GNAS-AS1: variants seen among roughly 807,000 people sequenced by gnomAD.
The protein encoded by GNAS-AS1 is GNAS antisense RNA 1 (non-protein coding).
At chr20:58,835,850 T>C (rs1489697699) in intron 4 of GNAS-AS1, among the ~76,000 whole-genome samples, 2 of 152,180 alleles carry the variant, frequency 1.3e-5, no homozygotes, top group African/African-American at 2.4e-5. Context: ...AGAGAACCAA[T>C]GTAATTAACA....
chr20:58,848,347 G>A (rs904908593), intron 2 of GNAS-AS1, among the ~76,000 whole-genome samples: 10 of 152,062 alleles, frequency 6.6e-5, no homozygotes, highest in Non-Finnish European at 1.2e-4. Context: ...GGCACACAGC[G>A]TCTATCCATC....
intron 1 of GNAS-AS1, among the ~76,000 whole-genome samples, chr20:58,850,083 T>G (rs2086096996): frequency 6.6e-6 from 1 of 152,192 alleles, no homozygotes; most frequent in Non-Finnish European, 1.5e-5. Flanking sequence ...CCATGTTTCC[T>G]ACCATTAAAT....
At chr20:58,850,450 C>T (rs2086114127) in intron 1 of GNAS-AS1, 6 of 397,766 alleles carry the variant, frequency 1.5e-5, no homozygotes, top group Admixed American at 8.8e-5. Flanking sequence ...GGGGTGAGCG[C>T]GAGGCCTGAC....
At chr20:58,850,668 C>A (rs1241610969) in exon 1 of GNAS-AS1, 1 of 399,148 alleles carries the variant, frequency 2.5e-6, no homozygotes, top group Non-Finnish European at 4.4e-6. Flanking sequence ...CTCACCTTGC[C>A]CGGCAGTGGC....
At position 58,819,162 on chromosome 20, in the gene GNAS-AS1, G is replaced by C. The variant is rs1316916637; in HGVS notation, n.913C>G. ...ATCTAGAAGAGGTTGAAGTACTATG[G>C]TTTTCAAACCAGGAACGTGGCACTA... On this transcript the variant is annotated non_coding_transcript_exon_variant, in exon 5 of 5. Coordinates refer to ENST00000424094, the Ensembl canonical transcript of GNAS-AS1. 8 of 398,526 alleles carry C rather than the reference G, an allele frequency of 2.0e-5. No homozygotes were observed. In the East Asian group the frequency reaches 2.8e-4, roughly 14 times the overall value. The allele number at this position is 398,526 out of a possible 1,614,324, so 24.7% of individuals were successfully genotyped here. A position where few individuals can be genotyped will look rare whatever the true frequency, so the allele number is the denominator to read the frequency against.
intron 4 of GNAS-AS1, among the ~76,000 whole-genome samples, chr20:58,823,577 C>T (rs527364118): frequency 5.1e-4 from 77 of 152,382 alleles, no homozygotes; most frequent in African/African-American, 1.8e-3. Flanking sequence ...GCTATTAATA[C>T]AGTGCAAAGA....
intron 4 of GNAS-AS1, chr20:58,834,350 G>A (rs1183246547): frequency 3.3e-5 from 5 of 152,516 alleles, no homozygotes; most frequent in African/African-American, 1.2e-4. Context: ...CAGGGCAGAG[G>A]TGGACATCTG....
intron 4 of GNAS-AS1, chr20:58,826,045 G>A (rs1600644047): frequency 1.0e-5 from 4 of 398,484 alleles, no homozygotes; most frequent in Admixed American, 8.8e-5. Context: ...TGACTTCAGC[G>A]AGAAAGACAG....
At chr20:58,842,351 A>C (rs1162927835) in intron 3 of GNAS-AS1, 1 of 397,960 alleles carries the variant, frequency 2.5e-6, no homozygotes, top group Non-Finnish European at 4.4e-6. Context: ...TTGGAGGAAT[A>C]GTAAAGCGTT....
intron 4 of GNAS-AS1, among the ~76,000 whole-genome samples, chr20:58,823,512 C>T (rs1411507173): frequency 6.6e-6 from 1 of 152,218 alleles, no homozygotes; most frequent in Non-Finnish European, 1.5e-5. Context: ...GTGATGTCCG[C>T]CACAGCTGTC....
chr20:58,837,667 T>C (rs528019241), intron 4 of GNAS-AS1, among the ~76,000 whole-genome samples: 1 of 152,360 alleles, frequency 6.6e-6, no homozygotes, highest in East Asian at 1.9e-4. Context: ...GGTCTTGAAC[T>C]CCTGGCCTCA....
intron 4 of GNAS-AS1, chr20:58,826,157 G>A (rs913896601): frequency 7.5e-6 from 3 of 398,644 alleles, no homozygotes; most frequent in Middle Eastern, 6.3e-4. Context: ...AATAGTGGGA[G>A]AAGGGAAGTT....
At chr20:58,820,579 C>T (rs1006027378) in intron 4 of GNAS-AS1, among the ~76,000 whole-genome samples, 2 of 152,220 alleles carry the variant, frequency 1.3e-5, no homozygotes, top group African/African-American at 2.4e-5. Flanking sequence ...TGTATTAGTC[C>T]GTTTTCACAC....
At chr20:58,836,825 G>C (rs1434910702) in intron 4 of GNAS-AS1, among the ~76,000 whole-genome samples, 2 of 152,246 alleles carry the variant, frequency 1.3e-5, no homozygotes, top group Non-Finnish European at 2.9e-5. Context: ...ACACTGAGAT[G>C]TATTTATAAC....
chr20:58,845,588 T>C (rs113574382), intron 2 of GNAS-AS1, among the ~76,000 whole-genome samples: 97 of 152,224 alleles, frequency 6.4e-4, no homozygotes, highest in African/African-American at 2.2e-3. Context: ...AGCACCCATT[T>C]TTGTTTTATA....
chr20:58,843,503 T>G (rs2145489947), intron 2 of GNAS-AS1: 1 of 152,340 alleles, frequency 6.6e-6, no homozygotes, highest in East Asian at 1.9e-4. Flanking sequence ...CCTGCTCAAC[T>G]GGGGTTAGCA....
intron 4 of GNAS-AS1, chr20:58,834,818 C>G (rs576898491): frequency 3.3e-5 from 5 of 152,320 alleles, no homozygotes; most frequent in African/African-American, 9.6e-5. Context: ...TGATCCTACG[C>G]CCTTTAAAAA....
chr20:58,840,115 G>C lies in GNAS-AS1; in HGVS notation n.819+1822C>G. On this transcript the variant is annotated intron_variant and non_coding_transcript_variant, in intron 4 of 4. Transcript: ENST00000424094. The surrounding 1 kb of genome is among the most constrained non-coding windows in gnomAD (Gnocchi z 6.0). Reference sequence around the variant, plus strand: ...GGTGTGTGCCTAAGAGGATGGATCGGAGGTCCCGGGCTCAGCAGTGGCGCC... The same window carrying C: ...GGTGTGTGCCTAAGAGGATGGATCGCAGGTCCCGGGCTCAGCAGTGGCGCC... 6.2e-7 allele frequency: 1 copy of C among 1,611,214 alleles called. No homozygotes were observed. Among genetic ancestry groups the C allele is most frequent in the Non-Finnish European group, 8.5e-7 (1 of 1,179,984 alleles).
At chr20:58,825,549 C>A (rs954174864) in intron 4 of GNAS-AS1, among the ~76,000 whole-genome samples, 9 of 152,236 alleles carry the variant, frequency 5.9e-5, no homozygotes, top group African/African-American at 2.2e-4. Flanking sequence ...CCTTTAAAAA[C>A]CAATGTATTT....
Sources: gnomAD v4.1 joint callset for allele counts (sites outside exome capture counted in the v4.1 genomes callset) on GRCh38, gnomAD v4.1.1 for gene constraint, Gnocchi (gnomAD v3.1) non-coding constraint, MANE v1.5 for transcripts, NCBI Gene and HGNC (gene_info 2026-07-23, HGNC 2026-07-21) for gene names.